The following MICAL2 variants were observed in gnomAD, a reference collection of about 807,000 sequenced individuals.
MICAL2 encodes microtubule associated monooxygenase, calponin and LIM domain containing 2, also known as [F-actin]-monooxygenase MICAL2.
Under a neutral mutation model 127.3 loss-of-function variants are expected in MICAL2, and 77 were observed. The observed-to-expected ratio is 0.60, with a 90% CI of 0.50 to 0.73. The LOEUF (loss-of-function observed/expected upper bound fraction) is 0.73. Ranked by LOEUF, MICAL2 falls within the 30% of genes least tolerant of loss-of-function variation. The pLI is 0.00. For synonymous variants in MICAL2, 570 were observed against 551.1 expected, an observed-to-expected ratio of 1.03 and a Z score of -0.48; for missense variants, 1,351 against 1,434.4, an observed-to-expected ratio of 0.94 and a Z score of 0.94.
chr11:12,127,052 G>A (rs1057382514), intron 1 of MICAL2, among the ~76,000 whole-genome samples: 1 of 152,198 alleles, frequency 6.6e-6, no homozygotes, highest in African/African-American at 2.4e-5. Flanking sequence ...CTAGGCAGGT[G>A]AGTTTAGGAC....
chr11:12,177,596 C>G (rs1006314972), intron 3 of MICAL2, among the ~76,000 whole-genome samples: 1 of 152,076 alleles, frequency 6.6e-6, no homozygotes, highest in African/African-American at 2.4e-5. Context: ...AAGCTTTTGC[C>G]CTACATTTTC....
downstream of MICAL2, among the ~76,000 whole-genome samples, chr11:12,291,889 C>T (rs780446340): frequency 6.6e-6 from 1 of 152,182 alleles, no homozygotes; most frequent in Non-Finnish European, 1.5e-5. Flanking sequence ...CTCTCAAGAG[C>T]ATCATCGCAT....
At chr11:12,186,268 T>C (rs977218092) in intron 3 of MICAL2, among the ~76,000 whole-genome samples, 1 of 152,216 alleles carries the variant, frequency 6.6e-6, no homozygotes, top group Non-Finnish European at 1.5e-5. Context: ...TTTCTTTTTT[T>C]TTCTTTTTTT....
intron 1 of MICAL2, among the ~76,000 whole-genome samples, chr11:12,127,091 G>C (rs1850988437): frequency 6.6e-6 from 1 of 152,162 alleles, no homozygotes. Context: ...ATGAGAGAGA[G>C]ATTGAGTTGG....
At chr11:12,158,257 C>A (rs574576908) in intron 2 of MICAL2, among the ~76,000 whole-genome samples, 86 of 152,202 alleles carry the variant, frequency 5.7e-4, no homozygotes, top group African/African-American at 2.0e-3. Context: ...ATAAGGGATA[C>A]TCAACCTGTA....
intron 3 of MICAL2, among the ~76,000 whole-genome samples, chr11:12,178,151 C>T (rs1442580317): frequency 1.3e-5 from 2 of 152,136 alleles, no homozygotes; most frequent in African/African-American, 2.4e-5. Flanking sequence ...CATGATGAAG[C>T]TGCCATTAAG....
chr11:12,205,033 C>G (rs963509854), intron 4 of MICAL2, among the ~76,000 whole-genome samples: 2 of 152,154 alleles, frequency 1.3e-5, no homozygotes, highest in African/African-American at 4.8e-5. Flanking sequence ...ATCCTTGTTT[C>G]CTGATGGATC....
intron 3 of MICAL2, among the ~76,000 whole-genome samples, chr11:12,180,923 T>C (rs902485376): frequency 5.0e-5 from 1 of 20,104 alleles, no homozygotes; most frequent in Non-Finnish European, 1.1e-4. Context: ...TTTTCCTTCT[T>C]TTTTTTTTTT....
At chr11:12,180,349 A>ATTTT (rs72520147) in intron 3 of MICAL2, among the ~76,000 whole-genome samples, 18 of 139,682 alleles carry the variant, frequency 1.3e-4, no homozygotes, top group South Asian at 2.3e-4. Context: ...ATATGTATAT[A>ATTTT]TTTTTTTTTT....
intron 29 of MICAL2, among the ~76,000 whole-genome samples, chr11:12,316,860 T>C (rs987501862): frequency 1.3e-5 from 2 of 152,232 alleles, no homozygotes; most frequent in Non-Finnish European, 2.9e-5. Flanking sequence ...TTAAGCTTTT[T>C]TCAGGTGAAT....
intron 1 of MICAL2, among the ~76,000 whole-genome samples, chr11:12,113,648 C>T (rs1422989551): frequency 6.6e-6 from 1 of 152,138 alleles, no homozygotes; most frequent in African/African-American, 2.4e-5. Context: ...ATTTACATCG[C>T]TTTTATTATA....
chr11:12,346,254 C>T (rs1432357802), intron 32 of MICAL2, among the ~76,000 whole-genome samples: 1 of 152,134 alleles, frequency 6.6e-6, no homozygotes, highest in Non-Finnish European at 1.5e-5. Flanking sequence ...GGTTCTTCTA[C>T]CATGTGTATT....
chr11:12,207,816 T>G, intron 4 of MICAL2: 2 of 511,744 alleles, frequency 3.9e-6, no homozygotes, highest in African/African-American at 1.9e-5. Flanking sequence ...ATCTACAGAA[T>G]GAGAATAATA....
downstream of MICAL2, among the ~76,000 whole-genome samples, chr11:12,266,611 G>A (rs1863612198): frequency 6.6e-6 from 1 of 152,220 alleles, no homozygotes; most frequent in Admixed American, 6.5e-5. Flanking sequence ...GGTCAGTACT[G>A]ATGTTAAAGA....
At chr11:12,330,899 G>GT (rs1309048652) in intron 32 of MICAL2, among the ~76,000 whole-genome samples, 1 of 94,210 alleles carries the variant, frequency 1.1e-5, no homozygotes, top group Non-Finnish European at 2.3e-5. Context: ...GAGAGAGAGA[G>GT]AGTGTGTGTG....
At chr11:12,330,897 G>GAGAC (rs1864417054) in intron 32 of MICAL2, among the ~76,000 whole-genome samples, 6 of 130,140 alleles carry the variant, frequency 4.6e-5, no homozygotes, top group African/African-American at 2.0e-4. Context: ...GAGAGAGAGA[G>GAGAC]AGAGTGTGTG....
intron 29 of MICAL2, among the ~76,000 whole-genome samples, chr11:12,299,420 AT>A (rs1407554976): frequency 2.0e-5 from 3 of 152,180 alleles, no homozygotes; most frequent in Non-Finnish European, 1.5e-5. Context: ...GAAGTACCTA[AT>A]ATTTATGATC....
intron 2 of MICAL2, among the ~76,000 whole-genome samples, chr11:12,282,749 C>CTGTAGTTTCT (rs768750778): frequency 6.6e-6 from 1 of 152,196 alleles, no homozygotes; most frequent in Non-Finnish European, 1.5e-5. Context: ...ATGCTTAACT[C>CTGTAGTTTCT]TGTAGTTTCT....
chr11:12,242,069 T>G, intron 18 of MICAL2, 145 bp from the exon 19 acceptor site: 1 of 633,770 alleles, frequency 1.6e-6, no homozygotes, highest in East Asian at 2.9e-5. Context: ...TGGTGGAGAG[T>G]CAACACCTGG....
Sources: allele counts gnomAD v4.1 joint callset (sites outside exome capture counted in the v4.1 genomes callset), GRCh38; gene constraint gnomAD v4.1.1; transcripts MANE v1.5; gene names NCBI Gene and HGNC (gene_info 2026-07-23, HGNC 2026-07-21).